Variants in CTNNA2 observed in about 807,000 individuals in gnomAD.
CTNNA2 encodes the protein catenin alpha 2, also known as catenin alpha-2.
Under a neutral mutation model 101.0 loss-of-function variants are expected in CTNNA2, and 42 were observed. The ratio of observed to expected loss-of-function variants is 0.42; its 90% confidence interval spans 0.32 to 0.54. The LOEUF (loss-of-function observed/expected upper bound fraction) is 0.54, where lower values mean the gene tolerates loss of function less well. Among genes scored for constraint, CTNNA2 ranks in the 20% least tolerant of loss-of-function variants. The pLI, the probability that CTNNA2 is intolerant of heterozygous loss-of-function variation, is 0.14. For synonymous variants in CTNNA2, 450 were observed against 456.4 expected, an observed-to-expected ratio of 0.99 and a Z score of 0.18; for missense variants, 871 against 1,223.1, an observed-to-expected ratio of 0.71 and a Z score of 4.29.
At chr2:80,390,484 T>C (rs1255940383) in intron 7 of CTNNA2, among the ~76,000 whole-genome samples, 4 of 152,192 alleles carry the variant, frequency 2.6e-5, no homozygotes, top group African/African-American at 9.7e-5. Context: ...ATCCCACATG[T>C]TGCCCTTCTG....
chr2:79,462,350 G>A (rs1277204801), intron 4 of CTNNA2, among the ~76,000 whole-genome samples: 1 of 152,204 alleles, frequency 6.6e-6, no homozygotes, highest in Non-Finnish European at 1.5e-5. Context: ...GAGATTCAAA[G>A]AAAGAGTGTT....
intron 18 of CTNNA2, among the ~76,000 whole-genome samples, chr2:80,626,766 C>T (rs1479229172): frequency 1.3e-5 from 2 of 151,982 alleles, no homozygotes; most frequent in African/African-American, 2.4e-5. Context: ...GCAGAACGTA[C>T]AGGTTTGTTA....
intron 2 of CTNNA2, among the ~76,000 whole-genome samples, chr2:79,709,104 A>G (rs188782515): frequency 6.6e-6 from 1 of 152,310 alleles, no homozygotes; most frequent in East Asian, 1.9e-4. Context: ...CTTACACATT[A>G]CAGCTGGGGC....
chr2:79,658,243 A>G (rs1449268885), intron 2 of CTNNA2, among the ~76,000 whole-genome samples: 1 of 152,012 alleles, frequency 6.6e-6, no homozygotes, highest in Admixed American at 6.6e-5. Flanking sequence ...TAAATCCTGT[A>G]TTCATGGTGA....
At chr2:80,276,113 A>G (rs910589657) in intron 7 of CTNNA2, among the ~76,000 whole-genome samples, 2 of 152,216 alleles carry the variant, frequency 1.3e-5, no homozygotes, top group African/African-American at 4.8e-5. Context: ...TTTCTGATAC[A>G]GGAAGAGATA....
At chr2:79,420,548 A>T (rs1317012574) in intron 4 of CTNNA2, among the ~76,000 whole-genome samples, 1 of 152,190 alleles carries the variant, frequency 6.6e-6, no homozygotes, top group East Asian at 1.9e-4. Flanking sequence ...ATAGAAGTTA[A>T]AAGTGTAGCT....
chr2:80,464,825 A>G (rs1684724779), intron 9 of CTNNA2, among the ~76,000 whole-genome samples: 1 of 152,156 alleles, frequency 6.6e-6, no homozygotes, highest in Admixed American at 6.5e-5. Context: ...CCACAGGTGA[A>G]GAATCTGAGG....
At chr2:79,350,559 T>C (rs1297307138) in intron 3 of CTNNA2, among the ~76,000 whole-genome samples, 1 of 152,204 alleles carries the variant, frequency 6.6e-6, no homozygotes, top group African/African-American at 2.4e-5. Flanking sequence ...AGGTTGATTC[T>C]ATGACTTTGA....
At chr2:80,429,454 C>T (rs1681288672) in intron 9 of CTNNA2, among the ~76,000 whole-genome samples, 1 of 152,128 alleles carries the variant, frequency 6.6e-6, no homozygotes, top group Non-Finnish European at 1.5e-5. Context: ...ACATTCTTAG[C>T]CACTGTGCCA....
At chr2:79,468,205 T>A (rs548728665) in intron 4 of CTNNA2, among the ~76,000 whole-genome samples, 1 of 151,148 alleles carries the variant, frequency 6.6e-6, no homozygotes, top group African/African-American at 2.4e-5. Context: ...AAATGGAGAA[T>A]AAAAAAAGGC....
intron 7 of CTNNA2, among the ~76,000 whole-genome samples, chr2:80,022,103 A>G (rs1267999332): frequency 6.6e-6 from 1 of 152,232 alleles, no homozygotes; most frequent in Non-Finnish European, 1.5e-5. Flanking sequence ...TTTTCAAAGC[A>G]TAAGTGTAAA....
intron 7 of CTNNA2, among the ~76,000 whole-genome samples, chr2:80,217,952 A>G (rs1412164030): frequency 6.6e-6 from 1 of 152,246 alleles, no homozygotes; most frequent in Non-Finnish European, 1.5e-5. Context: ...ATGAGGCCAT[A>G]TCACAGGTTA....
At chr2:79,244,250 C>T (rs1674669934) in intron 2 of CTNNA2, among the ~76,000 whole-genome samples, 1 of 152,296 alleles carries the variant, frequency 6.6e-6, no homozygotes, top group Non-Finnish European at 1.5e-5. Context: ...ACTCCACCTG[C>T]AATTTAATAC....
chr2:80,429,413 A>G (rs894822899), intron 9 of CTNNA2, among the ~76,000 whole-genome samples: 1 of 152,206 alleles, frequency 6.6e-6, no homozygotes, highest in South Asian at 2.1e-4. Context: ...GAATCCATGC[A>G]TAAGCCCGAG....
At chr2:79,659,332 A>G (rs1187423318) in intron 2 of CTNNA2, among the ~76,000 whole-genome samples, 3 of 151,594 alleles carry the variant, frequency 2.0e-5, no homozygotes, top group Non-Finnish European at 4.4e-5. Flanking sequence ...CATTATAGTC[A>G]TTTTTCCATC....
chr2:79,223,418 G>T (rs987704967), intron 2 of CTNNA2, among the ~76,000 whole-genome samples: 2 of 152,114 alleles, frequency 1.3e-5, no homozygotes, highest in African/African-American at 4.8e-5. Context: ...TCCATCTTCA[G>T]TTTATGAATT....
intron 3 of CTNNA2, among the ~76,000 whole-genome samples, chr2:79,830,813 A>G (rs1166042772): frequency 6.6e-6 from 1 of 152,214 alleles, no homozygotes; most frequent in African/African-American, 2.4e-5. Context: ...GCCCGTTTCT[A>G]TTAGCATATA....
At chr2:80,398,092 T>A (rs996227053) in intron 8 of CTNNA2, among the ~76,000 whole-genome samples, 1 of 152,194 alleles carries the variant, frequency 6.6e-6, no homozygotes, top group African/African-American at 2.4e-5. Flanking sequence ...CTCTTGGGTC[T>A]CCAGCTGTTA....
At chr2:80,345,661 A>C (rs2149286916) in intron 7 of CTNNA2, among the ~76,000 whole-genome samples, 1 of 152,252 alleles carries the variant, frequency 6.6e-6, no homozygotes, top group African/African-American at 2.4e-5. Context: ...ACTAATTTAA[A>C]AAAAAAAAAT....
Sources: allele counts gnomAD v4.1 joint callset (sites outside exome capture counted in the v4.1 genomes callset), GRCh38; gene constraint gnomAD v4.1.1; transcripts MANE v1.5; gene names NCBI Gene and HGNC (gene_info 2026-07-23, HGNC 2026-07-21).